IFNLR1: variants seen among roughly 807,000 people sequenced by gnomAD.
The protein encoded by IFNLR1 is CRF2-12.
IFNLR1 carries 28 observed loss-of-function variants against 52.5 expected under a neutral mutation model. The ratio of observed to expected loss-of-function variants is 0.53; its 90% CI spans 0.40 to 0.73. The LOEUF is 0.73. Ranked by LOEUF, IFNLR1 falls within the 30% of genes least tolerant of loss-of-function variation. The pLI is 0.00. For missense variants in IFNLR1, 623 were observed against 659.1 expected (o/e 0.95, Z 0.60); for synonymous variants, 276 against 274.9 (o/e 1.00, Z -0.04).
At chr1:24,179,029 C>T (rs1345506945) in intron 2 of IFNLR1, among the ~76,000 whole-genome samples, 1 of 152,036 alleles carries the variant, frequency 6.6e-6, no homozygotes, top group Non-Finnish European at 1.5e-5. Context: ...CAACCTCCAT[C>T]TCCTGGGCTC....
intron 3 of IFNLR1, among the ~76,000 whole-genome samples, chr1:24,164,923 C>A (rs1396581534): frequency 3.3e-5 from 5 of 152,048 alleles, no homozygotes; most frequent in Admixed American, 3.3e-4. Flanking sequence ...CCACCACACC[C>A]AGCTAATTTT....
At chr1:24,173,955 C>T (rs1219984177) in intron 2 of IFNLR1, among the ~76,000 whole-genome samples, 1 of 152,038 alleles carries the variant, frequency 6.6e-6, no homozygotes, top group African/African-American at 2.4e-5. Flanking sequence ...TCATAATAGC[C>T]CTATTATGGA....
At chr1:24,174,023 T>C (rs542583931) in intron 2 of IFNLR1, among the ~76,000 whole-genome samples, 1 of 152,256 alleles carries the variant, frequency 6.6e-6, no homozygotes, top group Non-Finnish European at 1.5e-5. Context: ...TGGTATTGTG[T>C]TTTGAGATAA....
intron 2 of IFNLR1, among the ~76,000 whole-genome samples, chr1:24,180,502 C>T (rs369703745): frequency 5.9e-5 from 9 of 152,074 alleles, no homozygotes; most frequent in Non-Finnish European, 1.2e-4. Flanking sequence ...GACTTACCCC[C>T]GCCCCGGCAG....
chr1:24,169,675 T>C, intron 2 of IFNLR1, 74 bp from the exon 3 acceptor site: 1 of 1,460,030 alleles, frequency 6.8e-7, no homozygotes, highest in South Asian at 1.3e-5. Context: ...GAACAGTTGA[T>C]CATGCTTCCC....
rs1459805382 is a variant in IFNLR1, at chr1:24,160,790, G to A, written c.510+752C>T. The stretch of plus-strand genomic sequence containing the variant: ...GTTGCCCAGACTAAAGTGCAGTGGT[G>A]CGATCATGGCTCACTGTGGCCTTGC... On this transcript the variant is annotated intron_variant, in intron 4 of 6. Transcript: ENST00000327535. Among the ~76,000 whole-genome samples, 7 of 152,132 alleles carry A rather than the reference G, an allele frequency of 4.6e-5. 1 individual carries two copies. In the South Asian group the frequency reaches 1.2e-3, roughly 27 times the overall value.
rs866174990 is a variant in IFNLR1, at chr1:24,157,636, C to T, written c.1057G>A (p.Glu353Lys). The change falls in exon 7 of 7, where the codon GAG (glutamate) becomes AAG (lysine). Residue 353 changes from glutamate to lysine, a missense_variant. Physicochemically the swap from Glu to Lys is moderately conservative, Grantham distance 56. Coordinates refer to ENST00000327535, the MANE Select transcript of IFNLR1 (RefSeq NM_170743.4). The surrounding 1 kb of genome is among the most constrained non-coding windows in gnomAD (Gnocchi z 5.1). ...TCCGAGTGCCCTGGAGCCTGGTGCT[C>T]TTGCCCCAGGAAAGAAGGTGGTTCA... ...YIEPPSFLGQ[E>K]HQAPGHSEAG... 3 of 1,607,540 alleles carry T rather than the reference C, an allele frequency of 1.9e-6. No individual in the cohort carries two copies. The East Asian group carries it at 6.7e-5, about 36-fold the overall frequency.
intron 3 of IFNLR1, among the ~76,000 whole-genome samples, chr1:24,162,844 T>TCTCC (rs1644471062): frequency 3.1e-5 from 2 of 65,156 alleles, no homozygotes; most frequent in Non-Finnish European, 5.9e-5. Context: ...TCTTTCTTTC[T>TCTCC]TTCTTTCTTT....
chr1:24,160,632 A>C (rs573660840), intron 4 of IFNLR1, among the ~76,000 whole-genome samples: 72 of 152,314 alleles, frequency 4.7e-4, no homozygotes, highest in African/African-American at 1.7e-3. Flanking sequence ...GTATGCAAAA[A>C]TCGGGAGTGT....
At chr1:24,185,196 C>G (rs1276767419) in intron 1 of IFNLR1, among the ~76,000 whole-genome samples, 1 of 151,948 alleles carries the variant, frequency 6.6e-6, no homozygotes, top group African/African-American at 2.4e-5. Context: ...AAACCAAGGC[C>G]CTCTCAGCTA....
At chr1:24,166,840 G>A (rs375480696) in intron 3 of IFNLR1, among the ~76,000 whole-genome samples, 1 of 152,098 alleles carries the variant, frequency 6.6e-6, no homozygotes, top group Non-Finnish European at 1.5e-5. Context: ...GCCTCCCAAA[G>A]TGATGGGATT....
chr1:24,165,353 A>G (rs76601034), intron 3 of IFNLR1, among the ~76,000 whole-genome samples: 4,785 of 152,266 alleles, frequency 0.031, 235 homozygotes, highest in African/African-American at 0.11. Context: ...CAAGTTTTCA[A>G]TTACACGTTC....
chr1:24,184,550 C>T (rs537598590), intron 1 of IFNLR1, among the ~76,000 whole-genome samples: 1 of 151,338 alleles, frequency 6.6e-6, no homozygotes, highest in South Asian at 2.1e-4. Context: ...AATCTTCCTG[C>T]TCGATGTTGC....
rs58650953 is a variant in IFNLR1, at chr1:24,162,908, C to T, written c.368-1224G>A. Among the ~76,000 whole-genome samples, 336 of 72,814 alleles carry T rather than the reference C, an allele frequency of 4.6e-3. 15 individuals are homozygous for T. Among genetic ancestry groups the T allele is most frequent in the African/African-American group, 0.016 (277 of 16,874 alleles). The allele number at this position is 72,814 out of a possible 152,430, so 47.8% of individuals were successfully genotyped here. A position where few individuals can be genotyped will look rare whatever the true frequency, so the allele number is the denominator to read the frequency against. On this transcript the variant is annotated intron_variant, in intron 3 of 6. Coordinates refer to ENST00000327535, the MANE Select transcript of IFNLR1 (RefSeq NM_170743.4). ...CCTTCCTTCCTTCCTTCCTTCCTTCCTTCCTTCCTTTTCTTTCTTTTCTTT... is the reference window on the plus strand; with the variant it reads ...CCTTCCTTCCTTCCTTCCTTCCTTCTTTCCTTCCTTTTCTTTCTTTTCTTT...
chr1:24,157,049 G>C lies in IFNLR1; in HGVS notation c.*81C>G. 3 of 1,483,230 alleles carry C rather than the reference G, an allele frequency of 2.0e-6. No individual in the cohort carries two copies. The highest frequency in any genetic ancestry group is 2.7e-6 in the Non-Finnish European group (3 of 1,102,320). The allele number at this position is 1,483,230 out of a possible 1,614,324, so 91.9% of individuals were successfully genotyped here. A position where few individuals can be genotyped will look rare whatever the true frequency, so the allele number is the denominator to read the frequency against. On this transcript the variant is annotated 3_prime_UTR_variant, in exon 7 of 7. Transcript: ENST00000327535. The surrounding 1 kb of genome is among the most constrained non-coding windows in gnomAD (Gnocchi z 5.1). ...TCCGCCGCCCAGGGGAGGTACGGAG[G>C]CTCTTGAGTTTCTTGGGAAGCCCAG... is the stretch of plus-strand genomic sequence containing the variant.
intron 1 of IFNLR1, among the ~76,000 whole-genome samples, chr1:24,182,877 A>G (rs1482045554): frequency 1.3e-5 from 2 of 152,122 alleles, no homozygotes; most frequent in African/African-American, 4.8e-5. Context: ...CAGAGATCAC[A>G]CCACTGTACT....
At chr1:24,168,132 C>T (rs1644538518) in intron 3 of IFNLR1, among the ~76,000 whole-genome samples, 1 of 151,692 alleles carries the variant, frequency 6.6e-6, no homozygotes, top group South Asian at 2.1e-4. Flanking sequence ...TTCCATCCAA[C>T]CTCCTTCCTT....
chr1:24,170,979 T>A (rs1460072266), intron 2 of IFNLR1, among the ~76,000 whole-genome samples: 6 of 152,140 alleles, frequency 3.9e-5, no homozygotes, highest in Admixed American at 2.6e-4. Flanking sequence ...TATGCAAATA[T>A]TCACACCAAA....
chr1:24,180,856 TG>T lies in IFNLR1; in HGVS notation c.59-3del, dbSNP rs2148603116. On this transcript the variant is annotated splice_polypyrimidine_tract_variant and splice_region_variant and intron_variant, in intron 1 of 6. Coordinates refer to ENST00000327535, the MANE Select transcript of IFNLR1 (RefSeq NM_170743.4). ...GGGGAGGGGCCAGACGGGGCCTCCC[TG>T]GGGGAAAGAAAGGGGTCATGAAGCC... 2 of 1,612,478 alleles carry T rather than the reference TG, an allele frequency of 1.2e-6. No homozygotes were observed.
Sources: gnomAD v4.1 joint callset for allele counts (sites outside exome capture counted in the v4.1 genomes callset) on GRCh38, gnomAD v4.1.1 for gene constraint, Gnocchi (gnomAD v3.1) non-coding constraint, MANE v1.5 for transcripts, NCBI Gene and HGNC (gene_info 2026-07-23, HGNC 2026-07-21) for gene names.